OR1J2: variants seen among roughly 807,000 people sequenced by gnomAD.
OR1J2 encodes the protein olfactory receptor family 1 subfamily J member 2, also known as olfactory receptor 1J2.
For synonymous variants in OR1J2, 142 were observed against 99.7 expected (o/e 1.42, Z -2.52); for missense variants, 304 against 246.1 (o/e 1.24, Z -1.57).
the OR1J2 span, among the ~76,000 whole-genome samples, chr9:122,520,307 C>T: frequency 3.9e-5 from 6 of 152,182 alleles, no homozygotes; most frequent in East Asian, 1.9e-4. Context: ...ACATAGTTAA[C>T]AGAACTTAAA....
At chr9:122,512,174 G>T (rs1416336078), downstream of OR1J2, among the ~76,000 whole-genome samples, 3 of 152,132 alleles carry the variant, frequency 2.0e-5, no homozygotes, top group East Asian at 1.9e-4. Context: ...CTTCATACCA[G>T]TCTCCTTGGA....
At chr9:122,553,657 G>A in the OR1J2 span, 14 of 1,613,972 alleles carry the variant, frequency 8.7e-6, no homozygotes, top group African/African-American at 2.7e-5. Context: ...CTAATGCTGG[G>A]TGTGTGCTGG....
chr9:122,567,971 G>A, the OR1J2 span: 1 of 1,614,210 alleles, frequency 6.2e-7, no homozygotes, highest in South Asian at 1.1e-5. Flanking sequence ...TGGAGTCACA[G>A]AAGGTGAGAC....
At chr9:122,493,380 T>C in the OR1J2 span, among the ~76,000 whole-genome samples, 5 of 152,140 alleles carry the variant, frequency 3.3e-5, no homozygotes, top group Non-Finnish European at 7.4e-5. Context: ...TCAAGCTTGC[T>C]ACTTGTTATT....
At chr9:122,553,144 T>C in the OR1J2 span, 1 of 1,540,856 alleles carries the variant, frequency 6.5e-7, no homozygotes, top group East Asian at 2.3e-5. Flanking sequence ...TATCTGTAAA[T>C]TGATCTAATA....
At chr9:122,476,398 C>T in the OR1J2 span, among the ~76,000 whole-genome samples, 2 of 152,210 alleles carry the variant, frequency 1.3e-5, no homozygotes, top group Admixed American at 6.5e-5. Flanking sequence ...GAAAGGTCAG[C>T]CCTGATGGCT....
chr9:122,472,829 C>T, the OR1J2 span, among the ~76,000 whole-genome samples: 1 of 152,166 alleles, frequency 6.6e-6, no homozygotes, highest in African/African-American at 2.4e-5. Flanking sequence ...AACCTTTGTG[C>T]TGCCAACCTT....
At chr9:122,472,358 C>T in the OR1J2 span, among the ~76,000 whole-genome samples, 14 of 152,328 alleles carry the variant, frequency 9.2e-5, no homozygotes, top group Admixed American at 5.9e-4. Context: ...GCCATCTGGC[C>T]AATCTTACAG....
At chr9:122,476,528 G>A in the OR1J2 span, among the ~76,000 whole-genome samples, 2 of 152,062 alleles carry the variant, frequency 1.3e-5, no homozygotes, top group Non-Finnish European at 2.9e-5. Flanking sequence ...CCCTCAAACA[G>A]ATGCAATAAT....
At chr9:122,464,770 C>T in the OR1J2 span, among the ~76,000 whole-genome samples, 6 of 152,298 alleles carry the variant, frequency 3.9e-5, no homozygotes, top group East Asian at 5.8e-4. Flanking sequence ...TCTCAGATTG[C>T]GTTCCCTCCC....
chr9:122,517,732 T>C, the OR1J2 span, among the ~76,000 whole-genome samples: 7 of 152,036 alleles, frequency 4.6e-5, no homozygotes, highest in African/African-American at 1.2e-4. Flanking sequence ...TTTTTTCTTA[T>C]GTTCCAGGGT....
the OR1J2 span, among the ~76,000 whole-genome samples, chr9:122,569,416 T>C: frequency 1.1e-5 from 1 of 91,480 alleles, no homozygotes; most frequent in South Asian, 4.0e-4. Context: ...GATATCAAAG[T>C]GGCTTCCATT....
chr9:122,525,682 G>A, the OR1J2 span, among the ~76,000 whole-genome samples: 3 of 152,222 alleles, frequency 2.0e-5, no homozygotes, highest in Non-Finnish European at 4.4e-5. Flanking sequence ...CCAGCATGGG[G>A]CAGAGGTAGC....
the OR1J2 span, among the ~76,000 whole-genome samples, chr9:122,448,336 G>A: frequency 2.0e-5 from 3 of 152,142 alleles, no homozygotes; most frequent in African/African-American, 7.2e-5. Flanking sequence ...AGCACGTCTT[G>A]CCTCCCACCA....
At chr9:122,482,421 G>A in the OR1J2 span, among the ~76,000 whole-genome samples, 1 of 152,086 alleles carries the variant, frequency 6.6e-6, no homozygotes, top group Admixed American at 6.6e-5. Context: ...CATGGTTGGT[G>A]GGAATATAAA....
the OR1J2 span, among the ~76,000 whole-genome samples, chr9:122,496,174 A>G: frequency 1.3e-5 from 2 of 152,182 alleles, no homozygotes; most frequent in Non-Finnish European, 2.9e-5. Flanking sequence ...AACTCCAGCA[A>G]GTAGGTGGTG....
At chr9:122,553,676 C>G in the OR1J2 span, 1 of 1,614,084 alleles carries the variant, frequency 6.2e-7, no homozygotes, top group Non-Finnish European at 8.5e-7. Flanking sequence ...GGGTGCTAAC[C>G]AACTGTCCTG....
At chr9:122,542,664 A>G in the OR1J2 span, among the ~76,000 whole-genome samples, 1 of 152,110 alleles carries the variant, frequency 6.6e-6, no homozygotes, top group Admixed American at 6.6e-5. Context: ...CTTTATTTTA[A>G]AATCAACTTT....
the OR1J2 span, among the ~76,000 whole-genome samples, chr9:122,493,566 A>G: frequency 6.6e-6 from 1 of 152,114 alleles, no homozygotes; most frequent in Non-Finnish European, 1.5e-5. Flanking sequence ...TTCATTTCTA[A>G]TTGAGCTTAT....
Sources: allele counts gnomAD v4.1 joint callset (sites outside exome capture counted in the v4.1 genomes callset), GRCh38; gene constraint gnomAD v4.1.1; transcripts MANE v1.5; gene names NCBI Gene and HGNC (gene_info 2026-07-23, HGNC 2026-07-21).